The following TBC1D19 variants were observed in gnomAD, a reference collection of about 807,000 sequenced individuals.
The protein encoded by TBC1D19 is TBC1 domain family, member 19.
TBC1D19 carries 60 observed loss-of-function variants against 89.0 expected under a neutral mutation model. The ratio of observed to expected loss-of-function variants is 0.67; its 90% confidence interval spans 0.55 to 0.84. The LOEUF (loss-of-function observed/expected upper bound fraction) is 0.84. Among genes scored for constraint, TBC1D19 ranks in the 40% least tolerant of loss-of-function variants. The probability of loss-of-function intolerance (pLI) is 0.00; values close to 1 mark genes in which losing one functional copy is unlikely to be tolerated. For synonymous variants in TBC1D19, 189 were observed against 199.7 expected (o/e 0.95, Z 0.45); for missense variants, 500 against 610.8 (o/e 0.82, Z 1.91).
intron 4 of TBC1D19, among the ~76,000 whole-genome samples, chr4:26,631,651 G>GA (rs1177423431): frequency 6.6e-6 from 1 of 151,840 alleles, no homozygotes. Flanking sequence ...GTGTAGCTCA[G>GA]AAAAAAATGG....
chr4:26,672,130 A>AT lies in TBC1D19; in HGVS notation c.665-10dup, dbSNP rs775287809. 4.8e-6 allele frequency: 5 copies of AT among 1,042,692 alleles called. No homozygotes were observed. The African/African-American group carries it at 4.9e-5, about 10-fold the overall frequency. 64.6% of individuals were successfully genotyped at this position (1,042,692 alleles called of 1,614,324 possible). A position where few individuals can be genotyped will look rare whatever the true frequency, so the allele number is the denominator to read the frequency against. On this transcript the variant is annotated intron_variant, in intron 9 of 20. Coordinates refer to ENST00000264866, the MANE Select transcript of TBC1D19 (RefSeq NM_018317.4). ...CTCATACTCATGTCTAATAATTTTA[A>AT]TTTTTTTTTAATTTTTAGAACTTTT...
At chr4:26,658,068 G>A (rs997666143) in intron 7 of TBC1D19, among the ~76,000 whole-genome samples, 12 of 152,112 alleles carry the variant, frequency 7.9e-5, no homozygotes, top group African/African-American at 2.9e-4. Context: ...TTCTTTTGCT[G>A]TGCAGAAGCT....
At chr4:26,765,148 G>C in the TBC1D19 span, among the ~76,000 whole-genome samples, 8 of 152,114 alleles carry the variant, frequency 5.3e-5, no homozygotes, top group Non-Finnish European at 8.8e-5. Flanking sequence ...ACTAGTAGGC[G>C]ACAGCAGGAT....
the TBC1D19 span, among the ~76,000 whole-genome samples, chr4:26,780,735 T>C: frequency 2.0e-5 from 3 of 152,236 alleles, no homozygotes; most frequent in Non-Finnish European, 4.4e-5. Flanking sequence ...TTGAGAGTAC[T>C]ATTTCTATGT....
At chr4:26,852,813 G>T in the TBC1D19 span, among the ~76,000 whole-genome samples, 1 of 152,110 alleles carries the variant, frequency 6.6e-6, no homozygotes, top group Middle Eastern at 3.2e-3. Context: ...TAGAGACGGG[G>T]TTTCACCGCG....
At chr4:26,782,475 G>C in the TBC1D19 span, among the ~76,000 whole-genome samples, 1 of 152,162 alleles carries the variant, frequency 6.6e-6, no homozygotes, top group Non-Finnish European at 1.5e-5. Flanking sequence ...AATGGAAAGG[G>C]CAGTCACGGG....
intron 1 of TBC1D19, among the ~76,000 whole-genome samples, chr4:26,592,407 C>A (rs760652422): frequency 5.9e-5 from 9 of 152,164 alleles, no homozygotes; most frequent in Non-Finnish European, 8.8e-5. Flanking sequence ...AAACTGGAAG[C>A]ATTCCCTTTG....
At chr4:26,697,248 A>C (rs1158250735) in intron 13 of TBC1D19, among the ~76,000 whole-genome samples, 1 of 152,240 alleles carries the variant, frequency 6.6e-6, no homozygotes, top group Non-Finnish European at 1.5e-5. Context: ...AACAAACTAG[A>C]AAATCTAGAA....
At chr4:26,661,873 A>T (rs761688325) in intron 8 of TBC1D19, among the ~76,000 whole-genome samples, 2 of 152,212 alleles carry the variant, frequency 1.3e-5, no homozygotes, top group Non-Finnish European at 2.9e-5. Context: ...GACAAGTCAC[A>T]TAGGCACAAC....
rs1455334465 is a variant in TBC1D19 at position 26,717,920 on chromosome 4, A to G, written c.955-13A>G. The G allele has an allele frequency of 1.9e-6, 3 of 1,602,768 alleles. No homozygotes were observed. The highest frequency in any genetic ancestry group is 1.3e-5 in the African/African-American group (1 of 74,652). On this transcript the variant is annotated splice_polypyrimidine_tract_variant and intron_variant, in intron 13 of 20. Coordinates refer to ENST00000264866, the MANE Select transcript of TBC1D19 (RefSeq NM_018317.4). ...GTGCTTAATTGCTATTTTTTTTCCA[A>G]TGTTATATTCAGGTATTACTTTGTT... is the stretch of plus-strand genomic sequence containing the variant.
chr4:26,593,480 T>C (rs1355801997), intron 1 of TBC1D19, among the ~76,000 whole-genome samples: 2 of 152,160 alleles, frequency 1.3e-5, no homozygotes, highest in Non-Finnish European at 2.9e-5. Flanking sequence ...AAAGCCAAAA[T>C]TGACAAATGT....
the TBC1D19 span, among the ~76,000 whole-genome samples, chr4:26,800,455 G>A: frequency 3.9e-5 from 6 of 152,064 alleles, no homozygotes; most frequent in East Asian, 1.9e-4. Flanking sequence ...GAATAGTGCC[G>A]CAATAAACAT....
intron 1 of TBC1D19, chr4:26,585,161 G>T: frequency 2.2e-6 from 1 of 446,010 alleles, no homozygotes; most frequent in African/African-American, 2.0e-5. Flanking sequence ...TAAATACCTA[G>T]GATTGGAATT....
At chr4:26,718,043 G>A (rs746947346) in intron 14 of TBC1D19, 26 bp downstream of exon 14, 7 of 1,534,356 alleles carry the variant, frequency 4.6e-6, no homozygotes, top group Non-Finnish European at 6.3e-6. Context: ...TTTTAAGGAA[G>A]TATTAAGACT....
At chr4:26,819,575 A>G in the TBC1D19 span, among the ~76,000 whole-genome samples, 4 of 152,204 alleles carry the variant, frequency 2.6e-5, no homozygotes, top group East Asian at 5.8e-4. Context: ...TCATCATGGC[A>G]AAAGCTATGG....
At chr4:26,658,319 C>T (rs1027164316) in intron 7 of TBC1D19, among the ~76,000 whole-genome samples, 1 of 152,166 alleles carries the variant, frequency 6.6e-6, no homozygotes, top group Non-Finnish European at 1.5e-5. Context: ...AGCCAGTTTT[C>T]CCAGCACCAT....
intron 8 of TBC1D19, among the ~76,000 whole-genome samples, chr4:26,660,630 AT>A (rs1024271540): frequency 6.6e-6 from 1 of 152,138 alleles, no homozygotes; most frequent in Non-Finnish European, 1.5e-5. Context: ...AGGGGCTTCC[AT>A]TTCTAGTTCC....
intron 9 of TBC1D19, among the ~76,000 whole-genome samples, chr4:26,669,999 A>G (rs570245862): frequency 2.6e-5 from 4 of 151,642 alleles, no homozygotes; most frequent in African/African-American, 9.7e-5. Context: ...GTTCTATGTG[A>G]AAACTGTCTC....
the TBC1D19 span, among the ~76,000 whole-genome samples, chr4:26,802,106 A>G: frequency 1.3e-5 from 2 of 152,176 alleles, no homozygotes; most frequent in Non-Finnish European, 2.9e-5. Context: ...ATAGGAACAA[A>G]AGCTTCAAAA....
Sources: allele counts gnomAD v4.1 joint callset (sites outside exome capture counted in the v4.1 genomes callset), GRCh38; gene constraint gnomAD v4.1.1; transcripts MANE v1.5; gene names NCBI Gene and HGNC (gene_info 2026-07-23, HGNC 2026-07-21).